MECOM: variants seen among roughly 807,000 people sequenced by gnomAD.
The protein encoded by MECOM is MDS1 and EVI1 complex locus, also known as histone-lysine N-methyltransferase MECOM.
Under a neutral mutation model 116.3 loss-of-function variants are expected in MECOM, and 13 were observed. The ratio of observed to expected loss-of-function variants is 0.11; its 90% CI spans 0.07 to 0.18. The LOEUF (loss-of-function observed/expected upper bound fraction) is 0.18, where lower values mean the gene tolerates loss of function less well. MECOM is among the 10% of genes least tolerant of loss of function. The pLI is 1.00. For missense variants in MECOM, 1,299 were observed against 1,509.0 expected (o/e 0.86, Z 2.31); for synonymous variants, 528 against 535.2 (o/e 0.99, Z 0.19).
At chr3:169,520,178 G>A (rs1186098174) in intron 1 of MECOM, among the ~76,000 whole-genome samples, 2 of 152,226 alleles carry the variant, frequency 1.3e-5, no homozygotes, top group Non-Finnish European at 2.9e-5. Context: ...GAGAGTCTGA[G>A]TCTTAATGAC....
chr3:169,290,498 GA>G (rs1044153505), intron 2 of MECOM, among the ~76,000 whole-genome samples: 4 of 151,884 alleles, frequency 2.6e-5, no homozygotes, highest in Non-Finnish European at 4.4e-5. Context: ...CAGGATGCAT[GA>G]AAAAAAATAA....
intron 2 of MECOM, among the ~76,000 whole-genome samples, chr3:169,194,162 C>T (rs1413088829): frequency 6.6e-6 from 1 of 151,920 alleles, no homozygotes; most frequent in Non-Finnish European, 1.5e-5. Context: ...GTGCAATTTT[C>T]TGATAAAGGA....
intron 2 of MECOM, among the ~76,000 whole-genome samples, chr3:169,218,957 C>CGT (rs148863433): frequency 7.3e-5 from 11 of 151,424 alleles, no homozygotes; most frequent in East Asian, 5.8e-4. Context: ...TATATAGCTG[C>CGT]GTGTGTGTGT....
intron 1 of MECOM, among the ~76,000 whole-genome samples, chr3:169,593,698 A>G (rs1178496231): frequency 6.6e-6 from 1 of 152,214 alleles, no homozygotes; most frequent in African/African-American, 2.4e-5. Flanking sequence ...AATGAGAAAG[A>G]TATAAAAGAC....
At chr3:169,595,094 CTATGACCTGAAAT>C (rs1766980801) in intron 1 of MECOM, among the ~76,000 whole-genome samples, 2 of 151,988 alleles carry the variant, frequency 1.3e-5, no homozygotes, top group African/African-American at 2.4e-5. Context: ...GCTCATGTGG[CTATGACCTGAAAT>C]CAGTGATTAA....
intron 1 of MECOM, among the ~76,000 whole-genome samples, chr3:169,508,767 A>G (rs1174673819): frequency 6.6e-6 from 1 of 152,192 alleles, no homozygotes; most frequent in Non-Finnish European, 1.5e-5. Context: ...TTGATGTAAC[A>G]TTCCTTTCTG....
intron 2 of MECOM, among the ~76,000 whole-genome samples, chr3:169,275,088 C>T (rs1577552657): frequency 6.6e-6 from 1 of 152,130 alleles, no homozygotes; most frequent in African/African-American, 2.4e-5. Context: ...TCATTGAAGT[C>T]CTTTTACCTG....
intron 2 of MECOM, among the ~76,000 whole-genome samples, chr3:169,244,992 C>A (rs567323340): frequency 6.6e-6 from 1 of 152,070 alleles, no homozygotes; most frequent in Non-Finnish European, 1.5e-5. Flanking sequence ...AGCAAAAAAA[C>A]GAAGGCTTTA....
chr3:169,107,988 T>C (rs201859956), intron 9 of MECOM, 36 bp from the exon 10 acceptor site: 8 of 1,593,434 alleles, frequency 5.0e-6, no homozygotes, highest in Non-Finnish European at 6.0e-6. Flanking sequence ...AAAAAATTAC[T>C]TCTGTGTTGG....
intron 2 of MECOM, among the ~76,000 whole-genome samples, chr3:169,240,745 C>T (rs1754689644): frequency 6.6e-6 from 1 of 152,160 alleles, no homozygotes; most frequent in Admixed American, 6.5e-5. Flanking sequence ...CTACCTGCCT[C>T]TAGATGCCAG....
At chr3:169,616,681 G>C (rs1471312014) in intron 1 of MECOM, among the ~76,000 whole-genome samples, 2 of 152,122 alleles carry the variant, frequency 1.3e-5, no homozygotes, top group East Asian at 1.9e-4. Context: ...AAAGATTTCG[G>C]CTTCACTGAA....
intron 1 of MECOM, among the ~76,000 whole-genome samples, chr3:169,575,562 C>T (rs17564410): frequency 0.012 from 1,755 of 152,284 alleles, 11 homozygotes; most frequent in Non-Finnish European, 0.018. Context: ...GATGAGCCGT[C>T]CGGGGATGCC....
At chr3:169,649,537 T>C (rs1774619555) in intron 1 of MECOM, among the ~76,000 whole-genome samples, 1 of 152,116 alleles carries the variant, frequency 6.6e-6, no homozygotes, top group Admixed American at 6.6e-5. Flanking sequence ...ATAAATCATT[T>C]TCAGGGGTAT....
chr3:169,210,642 C>A (rs1750594465), intron 2 of MECOM, among the ~76,000 whole-genome samples: 1 of 152,080 alleles, frequency 6.6e-6, no homozygotes, highest in Admixed American at 6.6e-5. Flanking sequence ...TATTGAGATA[C>A]AATTCATTCA....
At chr3:169,639,971 G>A (rs1773258408) in intron 1 of MECOM, among the ~76,000 whole-genome samples, 1 of 152,022 alleles carries the variant, frequency 6.6e-6, no homozygotes, top group Non-Finnish European at 1.5e-5. Context: ...TCATTCCTCT[G>A]GGCCTTAGAC....
At chr3:169,240,968 A>G (rs1176274409) in intron 2 of MECOM, among the ~76,000 whole-genome samples, 3 of 152,190 alleles carry the variant, frequency 2.0e-5, no homozygotes, top group Non-Finnish European at 4.4e-5. Flanking sequence ...TTCAGCCACC[A>G]GCAATGTGAG....
intron 1 of MECOM, among the ~76,000 whole-genome samples, chr3:169,593,644 C>T (rs1478831946): frequency 6.6e-6 from 1 of 152,118 alleles, no homozygotes; most frequent in Non-Finnish European, 1.5e-5. Context: ...ATTCTCTGCA[C>T]ACCACAGCTG....
intron 1 of MECOM, among the ~76,000 whole-genome samples, chr3:169,662,598 C>G (rs1400249633): frequency 6.8e-6 from 1 of 146,802 alleles, no homozygotes; most frequent in Non-Finnish European, 1.5e-5. Context: ...GCGATCACAG[C>G]CCCCACCTTG....
At chr3:169,386,346 G>A (rs916288712) in intron 1 of MECOM, among the ~76,000 whole-genome samples, 1 of 152,062 alleles carries the variant, frequency 6.6e-6, no homozygotes, top group Non-Finnish European at 1.5e-5. Context: ...CCAGATGTAG[G>A]ACCTGATATT....
Sources: gnomAD v4.1 joint callset for allele counts (sites outside exome capture counted in the v4.1 genomes callset) on GRCh38, gnomAD v4.1.1 for gene constraint, MANE v1.5 for transcripts, NCBI Gene and HGNC (gene_info 2026-07-23, HGNC 2026-07-21) for gene names.